The following SPPL2B variants were observed in gnomAD, a reference collection of about 807,000 sequenced individuals.
The protein encoded by SPPL2B is signal peptide peptidase-like 2B.
Under a neutral mutation model 59.7 loss-of-function variants are expected in SPPL2B, and 39 were observed. The observed-to-expected ratio is 0.65, with a 90% CI of 0.51 to 0.85. The LOEUF is 0.85. SPPL2B is among the 40% of genes least tolerant of loss of function. The pLI is 0.00. For synonymous variants in SPPL2B, 419 were observed against 370.8 expected, an observed-to-expected ratio of 1.13 and a Z score of -1.49; for missense variants, 865 against 849.0, an observed-to-expected ratio of 1.02 and a Z score of -0.23.
chr19:2,345,551 C>T (rs1969317161), intron 13 of SPPL2B, among the ~76,000 whole-genome samples: 1 of 151,930 alleles, frequency 6.6e-6, no homozygotes, highest in East Asian at 1.9e-4. Context: ...CTCATTCTCC[C>T]CGGGCCTGTG....
chr19:2,337,436 T>C lies in SPPL2B; in HGVS notation c.187-7T>C. ...CGTGAGACAACACTGTGCCCTGGCC[T>C]TTCCAGTCTTTCCTGCAGCTGCGCA... On this transcript the variant is annotated splice_polypyrimidine_tract_variant and splice_region_variant and intron_variant, in intron 2 of 14. Coordinates refer to ENST00000613503, the MANE Select transcript of SPPL2B (RefSeq NM_152988.3). 6.3e-7 allele frequency: 1 copy of C among 1,593,196 alleles called. No homozygotes were observed. The highest frequency in any genetic ancestry group is 2.2e-5 in the East Asian group (1 of 44,476).
chr19:2,339,305 C>A, intron 5 of SPPL2B, 97 bp downstream of exon 5: 1 of 1,404,162 alleles, frequency 7.1e-7, no homozygotes, highest in Non-Finnish European at 9.7e-7. Context: ...GTGCTTTGGC[C>A]TCGGCAGGCA....
intron 9 of SPPL2B, 148 bp from the exon 10 acceptor site, chr19:2,343,817 T>C: frequency 1.6e-6 from 1 of 627,864 alleles, no homozygotes; most frequent in Non-Finnish European, 2.8e-6. Flanking sequence ...CCAAAGCTCC[T>C]CCTGCGTGGT....
At chr19:2,348,328 G>T (rs1436957795) in intron 13 of SPPL2B, among the ~76,000 whole-genome samples, 37 of 34,792 alleles carry the variant, frequency 1.1e-3, no homozygotes, top group Admixed American at 2.4e-3. Context: ...TTCGCTTGAT[G>T]CGGTTCTCTC....
At chr19:2,329,962 C>T (rs1267305673) in intron 1 of SPPL2B, among the ~76,000 whole-genome samples, 1 of 151,938 alleles carries the variant, frequency 6.6e-6, no homozygotes, top group Non-Finnish European at 1.5e-5. Flanking sequence ...GCTCTGTCAG[C>T]CCCCTTTGGA....
At position 2,353,099 on chromosome 19, in the gene SPPL2B, G is replaced by C; in HGVS notation, c.1669G>C (p.Glu557Gln). 1 of 1,611,322 alleles carries C rather than the reference G, an allele frequency of 6.2e-7. No homozygotes were observed. Among genetic ancestry groups the C allele is most frequent in the Non-Finnish European group, 8.5e-7 (1 of 1,179,412 alleles). ...AEQSPKSRTS[E>Q]EMGAGAPMRE... is the part of the protein sequence containing the mutation. ...GCAGTCCCCAAAATCACGCACGTCC[G>C]AGGAGATGGGGGCTGGAGCCCCCAT... is the stretch of plus-strand genomic sequence containing the variant. The change falls in exon 15 of 15, where the codon GAG (glutamate) becomes CAG (glutamine). Residue 557 changes from glutamate to glutamine, a missense_variant. Physicochemically the swap from Glu to Gln is conservative, Grantham distance 29. Transcript: ENST00000613503.
rs771711880 is a variant in SPPL2B at position 2,341,604 on chromosome 19, C to T, written c.956+590C>T. The T allele has an allele frequency of 2.8e-5, 13 of 456,218 alleles. 1 individual carries two copies. The East Asian group carries it at 4.2e-4, about 15-fold the overall frequency. 28.3% of individuals were successfully genotyped at this position (456,218 alleles called of 1,614,324 possible). On this transcript the variant is annotated intron_variant, in intron 8 of 14. Coordinates refer to ENST00000613503, the MANE Select transcript of SPPL2B (RefSeq NM_152988.3). ...GTCCCCGCCCGGTCCCCACCGCTGTCGCTGATACCATCTGGCACTTCCTCC... is the reference window on the plus strand; with the variant it reads ...GTCCCCGCCCGGTCCCCACCGCTGTTGCTGATACCATCTGGCACTTCCTCC...
intron 9 of SPPL2B, 104 bp from the exon 10 acceptor site, chr19:2,343,861 T>G: frequency 1.2e-6 from 1 of 840,846 alleles, no homozygotes; most frequent in East Asian, 2.7e-5. Flanking sequence ...CTGCTCAGGT[T>G]CCTTTAAAGG....
intron 3 of SPPL2B, chr19:2,338,311 G>C (rs901560389): frequency 1.3e-5 from 2 of 158,974 alleles, no homozygotes; most frequent in African/African-American, 4.8e-5. Context: ...TGGTGCAGGG[G>C]CTCAGGGCCG....
intron 8 of SPPL2B, chr19:2,341,425 G>A (rs1338274888): frequency 2.2e-6 from 1 of 459,030 alleles, no homozygotes; most frequent in Non-Finnish European, 4.4e-6. Flanking sequence ...GGTCATGACT[G>A]CTGCGGCTTC....
chr19:2,344,505 G>A (rs372166496), intron 11 of SPPL2B, 48 bp from the exon 12 acceptor site: 29 of 1,578,998 alleles, frequency 1.8e-5, no homozygotes, highest in Non-Finnish European at 2.5e-5. Flanking sequence ...GGCATCCCGC[G>A]GCCGGGTGAG....
At position 2,343,846 on chromosome 19, in the gene SPPL2B, A is replaced by T. The variant is rs8106153; in HGVS notation, c.1039-119A>T. On this transcript the variant is annotated intron_variant, in intron 9 of 14. Coordinates refer to ENST00000613503, the MANE Select transcript of SPPL2B (RefSeq NM_152988.3). ...GCGTGGTGCGTCCCTGGCACTGGGC[A>T]CGCTCTGCTCAGGTTCCTTTAAAGG... The T allele has an allele frequency of 4.2e-6, 3 of 713,410 alleles. No homozygotes were observed. The African/African-American group carries it at 5.3e-5, about 13-fold the overall frequency. 44.2% of individuals were successfully genotyped at this position (713,410 alleles called of 1,614,324 possible).
intron 2 of SPPL2B, chr19:2,337,124 C>A (rs545220078): frequency 7.3e-6 from 2 of 272,862 alleles, no homozygotes; most frequent in South Asian, 8.7e-5. Context: ...GATGCCTGGC[C>A]GTGGTGGGGC....
rs1279123932 is a variant in SPPL2B at position 2,332,045 on chromosome 19, C to G, written c.67-2557C>G. 6.6e-6 allele frequency among the ~76,000 whole-genome samples: 1 copy of G among 152,234 alleles called. No homozygotes were observed. Among genetic ancestry groups the G allele is most frequent in the Non-Finnish European group, 1.5e-5 (1 of 68,040 alleles). On this transcript the variant is annotated intron_variant, in intron 1 of 14. Coordinates refer to ENST00000613503, the MANE Select transcript of SPPL2B (RefSeq NM_152988.3). This position sits in a 1 kb window ranked among gnomAD's most constrained non-coding sequence, Gnocchi z 4.6. ...CCGGGGCCAGACTAAGGGGTGCTCTCACGGGCAGGCAGTCTGGTGGGCAGA... is the reference window on the plus strand; with the variant it reads ...CCGGGGCCAGACTAAGGGGTGCTCTGACGGGCAGGCAGTCTGGTGGGCAGA...
intron 7 of SPPL2B, 127 bp from the exon 8 acceptor site, chr19:2,340,771 T>G: frequency 1.6e-6 from 1 of 613,162 alleles, no homozygotes; most frequent in Non-Finnish European, 2.9e-6. Flanking sequence ...GATGTGGAGT[T>G]TAATGAGGAC....
In SPPL2B at chr19:2,339,822, A is replaced by G. The variant is rs766339734; in HGVS notation, c.600-2A>G. The G allele has an allele frequency of 1.9e-6, 3 of 1,606,188 alleles. No individual in the cohort carries two copies. The highest frequency in any genetic ancestry group is 4.5e-5 in the East Asian group (2 of 44,522). On this transcript the variant is annotated splice_acceptor_variant, in intron 5 of 14. Coordinates refer to ENST00000613503, the MANE Select transcript of SPPL2B (RefSeq NM_152988.3). LOFTEE classifies it high-confidence loss of function. ...CCCCACGACCCCATGGTGTCTCCCA[A>G]GAAGGTACATGAAGCACAAGCGCGA... is the stretch of plus-strand genomic sequence containing the variant.
chr19:2,351,724 C>T, intron 14 of SPPL2B, 130 bp downstream of exon 14: 2 of 1,290,344 alleles, frequency 1.5e-6, no homozygotes, highest in South Asian at 1.4e-5. Context: ...CTGGTACCTT[C>T]TGCTTTGGGT....
rs762240498 is a variant in SPPL2B, at chr19:2,352,952, C to G, written c.1522C>G (p.Leu508Val). The G allele has an allele frequency of 6.2e-7, 1 of 1,612,178 alleles. No individual in the cohort carries two copies. The highest frequency in any genetic ancestry group is 8.5e-7 in the Non-Finnish European group (1 of 1,179,700). The change falls in exon 15 of 15, where the codon CTA (leucine) becomes GTA (valine). Residue 508 changes from leucine (L) to valine (V), a missense_variant. Transcript: ENST00000613503. Reference protein sequence around the residue: ...FWTGSGFAKVLPPSPWAPAPA... With the variant: ...FWTGSGFAKVVPPSPWAPAPA... The stretch of plus-strand genomic sequence containing the variant: ...TGCCTCCCTTCTCCTGTAGAAAGTC[C>G]TACCTCCATCTCCGTGGGCCCCAGC...
intron 3 of SPPL2B, 115 bp downstream of exon 3, chr19:2,337,740 C>A: frequency 9.2e-7 from 1 of 1,088,970 alleles, no homozygotes; most frequent in Non-Finnish European, 1.3e-6. Flanking sequence ...AAGGCAGATC[C>A]ATCTGTGGGG....
Sources: gnomAD v4.1 joint callset for allele counts (sites outside exome capture counted in the v4.1 genomes callset) on GRCh38, gnomAD v4.1.1 for gene constraint, Gnocchi (gnomAD v3.1) non-coding constraint, MANE v1.5 for transcripts, NCBI Gene and HGNC (gene_info 2026-07-23, HGNC 2026-07-21) for gene names.